The following KSR2 variants were observed in gnomAD, a reference collection of about 807,000 sequenced individuals.
KSR2 encodes the protein kinase suppressor of ras 2.
KSR2 carries 25 observed loss-of-function variants against 107.8 expected under a neutral mutation model. The observed-to-expected ratio is 0.23, with a 90% CI of 0.17 to 0.32. The LOEUF (loss-of-function observed/expected upper bound fraction) is 0.32. Ranked by LOEUF, KSR2 falls within the 10% of genes least tolerant of loss-of-function variation. The pLI, the probability that KSR2 is intolerant of heterozygous loss-of-function variation, is 1.00. For synonymous variants in KSR2, 480 were observed against 507.0 expected (o/e 0.95, Z 0.71); for missense variants, 887 against 1,268.9 (o/e 0.70, Z 4.57).
intron 10 of KSR2, among the ~76,000 whole-genome samples, chr12:117,539,128 C>T (rs914362999): frequency 2.6e-5 from 4 of 152,182 alleles, no homozygotes; most frequent in Non-Finnish European, 4.4e-5. Flanking sequence ...GCTAGAGGAA[C>T]CTTCCAGATT....
chr12:117,704,858 C>CA (rs35848973), intron 4 of KSR2, among the ~76,000 whole-genome samples: 29,033 of 129,524 alleles, frequency 0.22, 3,116 homozygotes, highest in African/African-American at 0.31. Flanking sequence ...GACTTCATCT[C>CA]AAAAAAAAAA....
chr12:117,732,392 A>G (rs1887764204), intron 4 of KSR2, among the ~76,000 whole-genome samples: 1 of 151,792 alleles, frequency 6.6e-6, no homozygotes, highest in Non-Finnish European at 1.5e-5. Flanking sequence ...GGGTTCAAGC[A>G]GTTCTCCTGC....
At chr12:117,934,829 A>C (rs1175967833) in intron 1 of KSR2, among the ~76,000 whole-genome samples, 2 of 151,820 alleles carry the variant, frequency 1.3e-5, no homozygotes, top group Admixed American at 6.6e-5. Flanking sequence ...TTATATTTTA[A>C]ATTTTTTTCT....
chr12:117,605,001 A>T lies in KSR2; in HGVS notation c.1172-22642T>A, dbSNP rs541696364. Among the ~76,000 whole-genome samples, 18 of 152,322 alleles carry T rather than the reference A, an allele frequency of 1.2e-4. No homozygotes were observed. The South Asian group carries it at 1.2e-3, about 11-fold the overall frequency. On this transcript the variant is annotated intron_variant, in intron 5 of 19. Transcript: ENST00000339824. Reference sequence around the variant, plus strand: ...TAGCAACTAATTCAGGGGAAAAATGAATTACCTGAGCCAAGCAAAAAATAT... The same window carrying T: ...TAGCAACTAATTCAGGGGAAAAATGTATTACCTGAGCCAAGCAAAAAATAT...
chr12:117,842,724 G>A lies in KSR2; in HGVS notation c.472+12704C>T, dbSNP rs944232291. The stretch of plus-strand genomic sequence containing the variant: ...GGTTCTCTTTGTTCTCATTGGGGGG[G>A]TTCCACAAAAGCCAGATGCTGGCCA... On this transcript the variant is annotated intron_variant, in intron 3 of 19. Transcript: ENST00000339824. This position sits in a 1 kb window ranked among gnomAD's most constrained non-coding sequence, Gnocchi z 4.2. Among the ~76,000 whole-genome samples, 1 of 152,148 alleles carries A rather than the reference G, an allele frequency of 6.6e-6. No individual in the cohort carries two copies. Among genetic ancestry groups the A allele is most frequent in the Non-Finnish European group, 1.5e-5 (1 of 68,034 alleles).
In KSR2 at chr12:117,636,407, T is replaced by C. The variant is rs922478788; in HGVS notation, c.1171+31067A>G. On this transcript the variant is annotated intron_variant, in intron 5 of 19. Transcript: ENST00000339824. ...TATATATATGTAAGGATATATATAA[T>C]AAGAAAACATTTAAGATCATCCAGG... Among the ~76,000 whole-genome samples the C allele has an allele frequency of 1.7e-4, 25 of 151,410 alleles. No individual in the cohort carries two copies. The East Asian group carries it at 2.3e-3, about 14-fold the overall frequency.
At chr12:117,775,832 G>A (rs1078653) in intron 3 of KSR2, among the ~76,000 whole-genome samples, 18,269 of 152,124 alleles carry the variant, frequency 0.12, 1,973 homozygotes, top group African/African-American at 0.29. Context: ...GAAGTAACTC[G>A]GGAATAGAAA....
At chr12:117,871,666 T>G (rs1893658159) in intron 1 of KSR2, among the ~76,000 whole-genome samples, 1 of 151,650 alleles carries the variant, frequency 6.6e-6, no homozygotes, top group Admixed American at 6.6e-5. Flanking sequence ...CCCTAGTTTC[T>G]GAATGCAAAA....
chr12:117,513,761 G>A (rs1874186379), intron 14 of KSR2, among the ~76,000 whole-genome samples: 1 of 152,198 alleles, frequency 6.6e-6, no homozygotes, highest in Admixed American at 6.5e-5. Flanking sequence ...ATGGATACAA[G>A]CTTCAGTATG....
intron 1 of KSR2, among the ~76,000 whole-genome samples, chr12:117,868,451 C>T (rs910368408): frequency 2.6e-5 from 4 of 151,256 alleles, no homozygotes; most frequent in African/African-American, 9.7e-5. Context: ...AAAGAAAAAA[C>T]AATAAAAATA....
intron 4 of KSR2, among the ~76,000 whole-genome samples, chr12:117,671,177 G>A (rs1270918605): frequency 2.0e-5 from 3 of 152,124 alleles, no homozygotes; most frequent in Non-Finnish European, 4.4e-5. Context: ...TGGCTCTGAT[G>A]TCCTCTCCTC....
chr12:117,612,326 C>T (rs955561053), intron 5 of KSR2, among the ~76,000 whole-genome samples: 4 of 151,784 alleles, frequency 2.6e-5, no homozygotes, highest in African/African-American at 9.7e-5. Flanking sequence ...ATTGCTTGAA[C>T]CCAGGAGGTG....
At chr12:117,876,890 A>G (rs1040892997) in intron 1 of KSR2, among the ~76,000 whole-genome samples, 14 of 151,966 alleles carry the variant, frequency 9.2e-5, no homozygotes, top group Non-Finnish European at 7.4e-5. Flanking sequence ...TCTTTGCATT[A>G]TACATCATGA....
At chr12:117,665,444 C>G (rs1036283633) in intron 5 of KSR2, among the ~76,000 whole-genome samples, 2 of 152,098 alleles carry the variant, frequency 1.3e-5, no homozygotes, top group African/African-American at 4.8e-5. Flanking sequence ...GGAGGGGGCC[C>G]GGCTGACATT....
chr12:117,499,806 AG>A (rs1171052723), intron 14 of KSR2, among the ~76,000 whole-genome samples: 1 of 152,212 alleles, frequency 6.6e-6, no homozygotes, highest in African/African-American at 2.4e-5. Flanking sequence ...AAGAGACAAA[AG>A]GGCAGGCAGA....
intron 5 of KSR2, among the ~76,000 whole-genome samples, chr12:117,602,619 C>A (rs1881019142): frequency 6.6e-6 from 1 of 152,302 alleles, no homozygotes; most frequent in South Asian, 2.1e-4. Context: ...GATACACATA[C>A]CCACACAGCA....
intron 3 of KSR2, among the ~76,000 whole-genome samples, chr12:117,846,333 G>T (rs950097079): frequency 7.2e-6 from 1 of 138,878 alleles, no homozygotes; most frequent in African/African-American, 2.7e-5. Flanking sequence ...TCACTCTGTC[G>T]CCCAGGCTGG....
chr12:117,681,509 G>A (rs909681368), intron 4 of KSR2, among the ~76,000 whole-genome samples: 9 of 152,192 alleles, frequency 5.9e-5, no homozygotes, highest in African/African-American at 2.2e-4. Flanking sequence ...GAAACTCAGA[G>A]TAAGTGACGA....
chr12:117,539,583 GCCCCTCTCTGGT>G, intron 10 of KSR2, 124 bp downstream of exon 10: 1 of 755,244 alleles, frequency 1.3e-6, no homozygotes, highest in Non-Finnish European at 2.0e-6. Context: ...ATACTTCCTT[GCCCCTCTCTGGT>G]CATTGACCCA....
Sources: gnomAD v4.1 joint callset for allele counts (sites outside exome capture counted in the v4.1 genomes callset) on GRCh38, gnomAD v4.1.1 for gene constraint, Gnocchi (gnomAD v3.1) non-coding constraint, MANE v1.5 for transcripts, NCBI Gene and HGNC (gene_info 2026-07-23, HGNC 2026-07-21) for gene names.